MAP4K4: variants seen among roughly 807,000 people sequenced by gnomAD.
MAP4K4 encodes HPK/GCK-like kinase HGK.
Under a neutral mutation model 189.6 loss-of-function variants are expected in MAP4K4, and 38 were observed. That is an observed-to-expected ratio of 0.20 (90% CI 0.15 to 0.26). MAP4K4 has a LOEUF of 0.26. Ranked by LOEUF, MAP4K4 falls within the 10% of genes least tolerant of loss-of-function variation. The pLI is 1.00. For missense variants in MAP4K4, 1,054 were observed against 1,726.9 expected, an observed-to-expected ratio of 0.61 and a Z score of 6.91; for synonymous variants, 610 against 624.3, an observed-to-expected ratio of 0.98 and a Z score of 0.34.
chr2:101,728,962 A>T (rs1347255644), intron 2 of MAP4K4, among the ~76,000 whole-genome samples: 3 of 152,200 alleles, frequency 2.0e-5, no homozygotes, highest in Non-Finnish European at 4.4e-5. Context: ...CATGAAGAAA[A>T]ATTGGTGAGT....
rs144718259 is a variant in MAP4K4 at position 101,885,230 on chromosome 2, T to A, written c.3564T>A (p.Ser1188Arg). ...AATTTCTGGTGATTGCTTTGAAGAG[T>A]TCTGTGGAAGTCTATGCGTGGGCAC... The change falls in exon 29 of 33, where the codon AGT (serine) becomes AGA (arginine). Residue 1188 changes from serine to arginine, a missense_variant. Ser to Arg is a moderately radical substitution (Grantham distance 110, BLOSUM62 -1). Around this residue, in one of 4 missense-constraint regions of MAP4K4, gnomAD observed 189 missense variants for 405.7 expected, o/e 0.47. Transcript: ENST00000324219. 1 of 1,607,890 alleles carries A rather than the reference T, an allele frequency of 6.2e-7. No homozygotes were observed. Among genetic ancestry groups the A allele is most frequent in the Admixed American group, 1.7e-5 (1 of 59,530 alleles).
intron 2 of MAP4K4, among the ~76,000 whole-genome samples, chr2:101,779,182 G>A (rs527358809): frequency 6.6e-6 from 1 of 152,270 alleles, no homozygotes; most frequent in East Asian, 1.9e-4. Context: ...GAGTGAGAGA[G>A]GAGGTTTGTT....
chr2:101,825,493 C>A, intron 5 of MAP4K4, 64 bp downstream of exon 5: 3 of 1,049,974 alleles, frequency 2.9e-6, no homozygotes, highest in Non-Finnish European at 4.3e-6. Context: ...TTCATTTTCC[C>A]AGCCCCAAGT....
exon 5 of MAP4K4, chr2:101,825,387 C>G (rs773806505): frequency 3.2e-5 from 52 of 1,613,536 alleles, no homozygotes; most frequent in South Asian, 1.5e-4. Context: ...GGAACACACT[C>G]AAAGAAGACT....
chr2:101,848,175 A>C (rs1171089554), intron 12 of MAP4K4, among the ~76,000 whole-genome samples: 1 of 152,242 alleles, frequency 6.6e-6, no homozygotes. Context: ...GTTAAGCAAC[A>C]CATGACTGTA....
chr2:101,828,778 A>T (rs1219837398), intron 5 of MAP4K4, among the ~76,000 whole-genome samples: 1 of 152,220 alleles, frequency 6.6e-6, no homozygotes, highest in African/African-American at 2.4e-5. Context: ...AGAATAAGTA[A>T]ATGAGTTGTG....
In MAP4K4 at chr2:101,699,862, G is replaced by C. The variant is rs75840579; in HGVS notation, c.123+1324G>C. 5.6e-3 allele frequency among the ~76,000 whole-genome samples: 859 copies of C among 152,280 alleles called. 9 individuals are homozygous for C. The highest frequency in any genetic ancestry group is 0.02 in the African/African-American group (832 of 41,570). On this transcript the variant is annotated intron_variant, in intron 2 of 32. Coordinates refer to ENST00000324219, the Ensembl canonical transcript of MAP4K4. ...GGGCCAGATTTTTGAATTTGAAAGA[G>C]AGCCCCGTTAACTCAGCTTGCCCGG...
chr2:101,874,234 C>T (rs577039991), exon 26 of MAP4K4: 2 of 1,610,008 alleles, frequency 1.2e-6, no homozygotes, highest in Non-Finnish European at 1.7e-6. Context: ...CTCTGAGATT[C>T]TGTGTGCTGC....
chr2:101,733,386 G>A (rs1163944380), intron 2 of MAP4K4, among the ~76,000 whole-genome samples: 11 of 152,224 alleles, frequency 7.2e-5, no homozygotes, highest in Non-Finnish European at 2.9e-5. Context: ...GCTGCATGGG[G>A]CCCAGAGAGG....
chr2:101,698,293 G>C (rs1279593553), intron 1 of MAP4K4, among the ~76,000 whole-genome samples, 156 bp downstream of exon 1: 1 of 150,072 alleles, frequency 6.7e-6, no homozygotes, highest in Non-Finnish European at 1.5e-5. Flanking sequence ...GTGCGGGGCG[G>C]GCGCTACCCT....
At chr2:101,767,522 T>C (rs1425296026) in intron 2 of MAP4K4, among the ~76,000 whole-genome samples, 1 of 152,206 alleles carries the variant, frequency 6.6e-6, no homozygotes, top group Non-Finnish European at 1.5e-5. Flanking sequence ...TGTCTTTGGC[T>C]TTTGTTTGCA....
intron 2 of MAP4K4, among the ~76,000 whole-genome samples, chr2:101,744,801 C>CAT (rs2064456004): frequency 6.6e-6 from 1 of 152,130 alleles, no homozygotes; most frequent in Admixed American, 6.5e-5. Flanking sequence ...CAAAATGTAG[C>CAT]TAGCCTATAG....
chr2:101,877,258 C>A, intron 27 of MAP4K4, 112 bp downstream of exon 27: 1 of 1,060,466 alleles, frequency 9.4e-7, no homozygotes. Context: ...AAATAAGGTA[C>A]AACCACATTG....
chr2:101,872,108 T>C (rs778460122), intron 24 of MAP4K4, among the ~76,000 whole-genome samples: 2 of 152,184 alleles, frequency 1.3e-5, no homozygotes, highest in African/African-American at 2.4e-5. Flanking sequence ...CTTGGCCTTA[T>C]CTGGACAAAC....
chr2:101,704,113 G>A (rs559622373), intron 2 of MAP4K4, among the ~76,000 whole-genome samples: 7 of 152,104 alleles, frequency 4.6e-5, no homozygotes, highest in African/African-American at 7.2e-5. Flanking sequence ...AGCATCTCTC[G>A]TTCTTAATTG....
intron 7 of MAP4K4, among the ~76,000 whole-genome samples, chr2:101,832,079 A>G (rs938525012): frequency 1.3e-5 from 2 of 152,230 alleles, no homozygotes; most frequent in Admixed American, 1.3e-4. Context: ...ACTGGTTTCA[A>G]AGCAGTCTGG....
intron 2 of MAP4K4, among the ~76,000 whole-genome samples, chr2:101,740,061 A>T (rs2061937830): frequency 6.6e-6 from 1 of 151,154 alleles, no homozygotes; most frequent in Admixed American, 6.6e-5. Flanking sequence ...AGGGATGCAG[A>T]TGTTGAGTAT....
chr2:101,732,664 A>G (rs958603862), intron 2 of MAP4K4, among the ~76,000 whole-genome samples: 31 of 152,078 alleles, frequency 2.0e-4, no homozygotes, highest in African/African-American at 7.0e-4. Context: ...ATCTCGGCTC[A>G]CTGCAATCTC....
chr2:101,887,641 TA>T, intron 30 of MAP4K4, 136 bp from the exon 31 acceptor site: 1 of 635,054 alleles, frequency 1.6e-6, no homozygotes, highest in Non-Finnish European at 2.6e-6. Context: ...ATGACTATTC[TA>T]AAATGTTAAT....
Sources: allele counts gnomAD v4.1 joint callset (sites outside exome capture counted in the v4.1 genomes callset), GRCh38; gene constraint gnomAD v4.1.1; regional missense constraint gnomAD v4.1.1; transcripts MANE v1.5; gene names NCBI Gene and HGNC (gene_info 2026-07-23, HGNC 2026-07-21).